The following ANKRD54 variants were observed in gnomAD, a reference collection of about 807,000 sequenced individuals.
The protein encoded by ANKRD54 is ankyrin repeat domain-containing protein 54.
In ANKRD54, 26 loss-of-function variants were observed where a neutral mutation model predicts 36.2. The observed-to-expected ratio is 0.72, with a 90% CI of 0.53 to 1.00. The LOEUF (loss-of-function observed/expected upper bound fraction) is 1.00. ANKRD54 is among the 50% of genes least tolerant of loss of function. ANKRD54 has a pLI of 0.00. For missense variants in ANKRD54, 384 were observed against 424.3 expected (o/e 0.91, Z 0.83); for synonymous variants, 209 against 188.4 (o/e 1.11, Z -0.89).
At chr22:37,835,515 A>G (rs1353738006) in intron 3 of ANKRD54, among the ~76,000 whole-genome samples, 1 of 152,194 alleles carries the variant, frequency 6.6e-6, no homozygotes, top group East Asian at 1.9e-4. Context: ...TTACAAATCA[A>G]TAAGAAAAAG....
upstream of ANKRD54, chr22:37,847,837 C>G (rs1028483867): frequency 7.4e-6 from 3 of 404,124 alleles, no homozygotes; most frequent in African/African-American, 6.4e-5. Flanking sequence ...GGAAGAAACA[C>G]AAAACAAGAA....
At chr22:37,845,423 A>G (rs1185660441), upstream of ANKRD54, among the ~76,000 whole-genome samples, 1 of 152,300 alleles carries the variant, frequency 6.6e-6, no homozygotes, top group East Asian at 1.9e-4. Context: ...AAGCACTTCT[A>G]TAAAGTAGAC....
chr22:37,845,912 C>T (rs528871680), upstream of ANKRD54, among the ~76,000 whole-genome samples: 15 of 151,928 alleles, frequency 9.9e-5, 1 homozygote, highest in African/African-American at 2.9e-4. Context: ...CTGTGGCTCA[C>T]GCCTGTAATC....
rs760255960 is a variant in ANKRD54 at position 37,844,314 on chromosome 22, G to T, written c.-76C>A. ...CAACGGACCTACTTCCCTCCGCCCT[G>T]AGTCGTGCTGTCAGCGAGCTGGCGG... On this transcript the variant is annotated 5_prime_UTR_variant, in exon 1 of 8. Coordinates refer to ENST00000215941, the MANE Select transcript of ANKRD54 (RefSeq NM_138797.4). 5 of 1,457,704 alleles carry T rather than the reference G, an allele frequency of 3.4e-6. No homozygotes were observed. The South Asian group carries it at 6.4e-5, about 19-fold the overall frequency. The allele number at this position is 1,457,704 out of a possible 1,614,324, so 90.3% of individuals were successfully genotyped here.
intron 1 of ANKRD54, chr22:37,843,685 G>A (rs542493488): frequency 6.9e-6 from 2 of 290,398 alleles, no homozygotes; most frequent in South Asian, 1.6e-4. Flanking sequence ...TACCCAGTGA[G>A]AGAAGACTGG....
chr22:37,844,294 GACCT>G lies in ANKRD54; in HGVS notation c.-60_-57del, dbSNP rs773930899. The G allele has an allele frequency of 6.6e-7, 1 of 1,525,360 alleles. No homozygotes were observed. Among genetic ancestry groups the G allele is most frequent in the South Asian group, 1.2e-5 (1 of 84,150 alleles). The allele number at this position is 1,525,360 out of a possible 1,614,324, so 94.5% of individuals were successfully genotyped here. ...GAGCCTCGTTCCCGACCGACCAACG[GACCT>G]ACTTCCCTCCGCCCTGAGTCGTGCT... On this transcript the variant is annotated 5_prime_UTR_variant, in exon 1 of 8. Coordinates refer to ENST00000215941, the MANE Select transcript of ANKRD54 (RefSeq NM_138797.4).
chr22:37,837,630 ACT>A (rs1923713170), intron 3 of ANKRD54, among the ~76,000 whole-genome samples: 1 of 152,160 alleles, frequency 6.6e-6, no homozygotes, highest in African/African-American at 2.4e-5. Context: ...TCCCAAGAAC[ACT>A]GAGGGAAGAC....
In ANKRD54 at chr22:37,831,792, G is replaced by C. The variant is rs1922909668; in HGVS notation, c.*151C>G. 1.3e-5 allele frequency: 9 copies of C among 707,988 alleles called. No individual in the cohort carries two copies. The highest frequency in any genetic ancestry group is 2.7e-5 in the East Asian group (1 of 36,392). The allele number at this position is 707,988 out of a possible 1,614,324, so 43.9% of individuals were successfully genotyped here. ...GAGTGGCTCTGAGGCCGTGGAGAGA[G>C]AGCATCTCTGCCCCACGGCATCTGC... On this transcript the variant is annotated 3_prime_UTR_variant, in exon 8 of 8. Coordinates refer to ENST00000215941, the MANE Select transcript of ANKRD54 (RefSeq NM_138797.4).
At chr22:37,832,335 G>A (rs1266172576) in intron 7 of ANKRD54, among the ~76,000 whole-genome samples, 2 of 151,848 alleles carry the variant, frequency 1.3e-5, no homozygotes, top group African/African-American at 2.4e-5. Context: ...GCCTTGCTCT[G>A]GTTTTTTTTT....
Position 37,831,608 on chromosome 22 carries a change from G to A in ANKRD54, c.*335C>T, listed in dbSNP as rs960255714. 3 of 325,458 alleles carry A rather than the reference G, an allele frequency of 9.2e-6. No homozygotes were observed. Among genetic ancestry groups the A allele is most frequent in the Non-Finnish European group, 1.8e-5 (3 of 170,678 alleles). 20.2% of individuals were successfully genotyped at this position (325,458 alleles called of 1,614,324 possible). A position where few individuals can be genotyped will look rare whatever the true frequency, so the allele number is the denominator to read the frequency against. ...AACACAGAGAAGGGTCTGAGGCCTG[G>A]AGCGCGCCATGAAGGCCATGGGGCA... On this transcript the variant is annotated 3_prime_UTR_variant, in exon 8 of 8. Transcript: ENST00000215941.
intron 7 of ANKRD54, 115 bp from the exon 8 acceptor site, chr22:37,832,132 G>C (rs1414572983): frequency 9.9e-7 from 1 of 1,007,556 alleles, no homozygotes; most frequent in African/African-American, 1.6e-5. Flanking sequence ...CCCAGGGCGT[G>C]TGGTGGCTTC....
chr22:37,832,137 G>A, intron 7 of ANKRD54, 120 bp from the exon 8 acceptor site: 1 of 929,200 alleles, frequency 1.1e-6, no homozygotes, highest in Non-Finnish European at 1.6e-6. Context: ...GGCGTGTGGT[G>A]GCTTCTGACT....
Position 37,840,119 on chromosome 22 carries a change from T to G in ANKRD54, c.376+68A>C. 3 of 1,582,088 alleles carry G rather than the reference T, an allele frequency of 1.9e-6. No individual in the cohort carries two copies. The African/African-American group carries it at 4.0e-5, about 21-fold the overall frequency. ...TGCAGACTGCCTTCCCACATATTGATTACCTGGCCTTTTCCTTCCCCAACC... is the reference window on the plus strand; with the variant it reads ...TGCAGACTGCCTTCCCACATATTGAGTACCTGGCCTTTTCCTTCCCCAACC... On this transcript the variant is annotated intron_variant, in intron 2 of 7. Transcript: ENST00000215941.
At position 37,830,875 on chromosome 22, in the gene ANKRD54, T is replaced by G. The variant is rs1361300316; in HGVS notation, c.*1068A>C. ...CTTAGTGACTTAAAACAACACAAAT[T>G]TATTCCCTTAGAGTTCTAAAATCAG... On this transcript the variant is annotated 3_prime_UTR_variant, in exon 8 of 8. Transcript: ENST00000215941. 1 of 152,176 alleles carries G rather than the reference T, an allele frequency of 6.6e-6. No individual in the cohort carries two copies. The highest frequency in any genetic ancestry group is 1.5e-5 in the Non-Finnish European group (1 of 68,056). 9.4% of individuals were successfully genotyped at this position (152,176 alleles called of 1,614,324 possible).
upstream of ANKRD54, among the ~76,000 whole-genome samples, chr22:37,846,199 T>C (rs1270735719): frequency 1.3e-5 from 2 of 152,132 alleles, no homozygotes; most frequent in East Asian, 3.9e-4. Context: ...AAGTAATCTT[T>C]CTCTTACAAT....
chr22:37,840,355 G>A lies in ANKRD54; in HGVS notation c.329-121C>T, dbSNP rs1018528360. On this transcript the variant is annotated intron_variant, in intron 1 of 7. Transcript: ENST00000215941. ...AGGCAGATCACAAGGTCAGGAGATC[G>A]AGACCATCCTGGCTAACATGGTGAA... 26 of 1,029,378 alleles carry A rather than the reference G, an allele frequency of 2.5e-5. 1 individual carries two copies. Among genetic ancestry groups the A allele is most frequent in the African/African-American group, 9.5e-5 (6 of 62,986 alleles). The allele number at this position is 1,029,378 out of a possible 1,614,324, so 63.8% of individuals were successfully genotyped here. A position where few individuals can be genotyped will look rare whatever the true frequency, so the allele number is the denominator to read the frequency against.
chr22:37,844,139 C>G lies in ANKRD54; in HGVS notation c.100G>C (p.Glu34Gln), dbSNP rs2145993430. The G allele has an allele frequency of 6.7e-7, 1 of 1,496,742 alleles. No individual in the cohort carries two copies. The highest frequency in any genetic ancestry group is 8.8e-7 in the Non-Finnish European group (1 of 1,130,246). The allele number at this position is 1,496,742 out of a possible 1,614,324, so 92.7% of individuals were successfully genotyped here. A position where few individuals can be genotyped will look rare whatever the true frequency, so the allele number is the denominator to read the frequency against. The stretch of plus-strand genomic sequence containing the variant: ...AAGTCAGCGAAGGAGAAGAGGCCCT[C>G]AGCGTCAGTCAGCGGCTCCGGCGCC... The part of the protein sequence containing the change: ...AVAPEPLTDA[E>Q]GLFSFADFGS... The change falls in exon 1 of 8, where the codon GAG becomes CAG. Residue 34 changes from glutamate (E) to glutamine (Q), a missense_variant. Glu to Gln is a conservative substitution (Grantham distance 29). This residue lies in a region of ANKRD54 where 195 missense variants were observed against 177.7 expected (regional missense o/e 1.10). Transcript: ENST00000215941.
chr22:37,834,818 T>C (rs5756830), intron 3 of ANKRD54: 110,799 of 151,352 alleles, frequency 0.73, 41,758 homozygotes, highest in African/African-American at 0.92. Context: ...CCCAGCACTT[T>C]GGGAGGCCAA....
chr22:37,844,398 C>T (rs547804798), upstream of ANKRD54: 3 of 713,802 alleles, frequency 4.2e-6, no homozygotes, highest in Non-Finnish European at 4.3e-6. Context: ...CGAGACAGAG[C>T]GGCGAACCAA....
Sources: allele counts gnomAD v4.1 joint callset (sites outside exome capture counted in the v4.1 genomes callset), GRCh38; gene constraint gnomAD v4.1.1; regional missense constraint gnomAD v4.1.1; transcripts MANE v1.5; gene names NCBI Gene and HGNC (gene_info 2026-07-23, HGNC 2026-07-21).